Variants in ERBB4 observed in about 807,000 individuals in gnomAD.
ERBB4 encodes receptor tyrosine-protein kinase erbB-4.
Under a neutral mutation model 158.0 loss-of-function variants are expected in ERBB4, and 42 were observed. The observed-to-expected ratio is 0.27, with a 90% CI of 0.21 to 0.34. ERBB4 has a LOEUF of 0.34. Among genes scored for constraint, ERBB4 ranks in the 10% least tolerant of loss-of-function variants. ERBB4 has a pLI of 1.00. For missense variants in ERBB4, 1,333 were observed against 1,624.1 expected, an observed-to-expected ratio of 0.82 and a Z score of 3.08; for synonymous variants, 583 against 558.7, an observed-to-expected ratio of 1.04 and a Z score of -0.61.
intron 1 of ERBB4, among the ~76,000 whole-genome samples, chr2:212,234,062 T>C (rs2083763175): frequency 6.6e-6 from 1 of 151,864 alleles, no homozygotes; most frequent in Admixed American, 6.6e-5. Flanking sequence ...GGTATACACA[T>C]GCCATGGTTT....
At chr2:211,387,555 T>C (rs943177831) in intron 26 of ERBB4, among the ~76,000 whole-genome samples, 1 of 152,196 alleles carries the variant, frequency 6.6e-6, no homozygotes, top group African/African-American at 2.4e-5. Context: ...AATAATCCTA[T>C]GTCTTTATTC....
chr2:212,333,260 T>C (rs565714126), intron 1 of ERBB4, among the ~76,000 whole-genome samples: 1 of 152,124 alleles, frequency 6.6e-6, no homozygotes, highest in Admixed American at 6.6e-5. Context: ...GAGTCCCAGT[T>C]GATCATCCTC....
chr2:211,813,906 A>C (rs764877175), intron 3 of ERBB4, among the ~76,000 whole-genome samples: 1 of 152,192 alleles, frequency 6.6e-6, no homozygotes, highest in Non-Finnish European at 1.5e-5. Flanking sequence ...ACAAAAAATA[A>C]TATAAATCAT....
At chr2:212,405,356 G>A (rs1403035676) in intron 1 of ERBB4, among the ~76,000 whole-genome samples, 2 of 152,072 alleles carry the variant, frequency 1.3e-5, no homozygotes, top group Admixed American at 6.6e-5. Context: ...TGAGGTTGCA[G>A]AGAAAAGGGA....
chr2:211,991,941 T>A (rs952439562), intron 2 of ERBB4, among the ~76,000 whole-genome samples: 3 of 152,066 alleles, frequency 2.0e-5, no homozygotes, highest in Admixed American at 6.6e-5. Flanking sequence ...TTGATAAAGT[T>A]AAGGGAGGGA....
At chr2:211,441,459 A>T (rs968026764) in intron 20 of ERBB4, among the ~76,000 whole-genome samples, 3 of 152,146 alleles carry the variant, frequency 2.0e-5, no homozygotes, top group African/African-American at 7.2e-5. Flanking sequence ...CTTGGAGAGC[A>T]CCTGTAGCTC....
intron 1 of ERBB4, among the ~76,000 whole-genome samples, chr2:212,337,923 A>T (rs1490143285): frequency 6.6e-6 from 1 of 152,040 alleles, no homozygotes; most frequent in Non-Finnish European, 1.5e-5. Context: ...TAACTCATAA[A>T]TCTTCTCCGG....
intron 1 of ERBB4, among the ~76,000 whole-genome samples, chr2:212,498,571 A>C (rs552518001): frequency 4.6e-5 from 7 of 152,198 alleles, no homozygotes; most frequent in Non-Finnish European, 7.4e-5. Flanking sequence ...GATTTTCATC[A>C]TGATTAATAC....
chr2:212,120,659 C>A (rs919520627), intron 2 of ERBB4, among the ~76,000 whole-genome samples: 1 of 152,062 alleles, frequency 6.6e-6, no homozygotes, highest in Non-Finnish European at 1.5e-5. Flanking sequence ...GATGAAAATA[C>A]GGATAAAAAT....
intron 1 of ERBB4, among the ~76,000 whole-genome samples, chr2:212,450,619 T>A (rs779986461): frequency 1.2e-4 from 18 of 152,062 alleles, no homozygotes; most frequent in Non-Finnish European, 1.8e-4. Context: ...ACTTCTGACT[T>A]CCAGATAACA....
intron 1 of ERBB4, among the ~76,000 whole-genome samples, chr2:212,520,580 T>C (rs1433245034): frequency 6.6e-6 from 1 of 151,964 alleles, no homozygotes; most frequent in Non-Finnish European, 1.5e-5. Flanking sequence ...GTGGAGCTTG[T>C]ATACAAAATT....
At chr2:211,817,172 A>C (rs1451335830) in intron 3 of ERBB4, among the ~76,000 whole-genome samples, 1 of 152,212 alleles carries the variant, frequency 6.6e-6, no homozygotes, top group Admixed American at 6.5e-5. Context: ...TTTCTCTTAA[A>C]CAAAAATGAA....
At chr2:211,872,088 A>T (rs199611420) in intron 3 of ERBB4, among the ~76,000 whole-genome samples, 1 of 52,606 alleles carries the variant, frequency 1.9e-5, no homozygotes, top group Non-Finnish European at 5.7e-5. Context: ...TCATGAATGA[A>T]TTATTAATTT....
intron 20 of ERBB4, among the ~76,000 whole-genome samples, chr2:211,441,897 G>T (rs1305963041): frequency 6.6e-6 from 1 of 152,208 alleles, no homozygotes; most frequent in East Asian, 1.9e-4. Context: ...ATTCCATAAA[G>T]GCTCAGATCT....
intron 1 of ERBB4, among the ~76,000 whole-genome samples, chr2:212,513,806 C>A (rs909439001): frequency 2.7e-5 from 4 of 147,780 alleles, no homozygotes; most frequent in Non-Finnish European, 4.4e-5. Flanking sequence ...GGCGAGACTC[C>A]GTCTCAAAAA....
At position 211,488,903 on chromosome 2, in the gene ERBB4, C is replaced by G. The variant is rs148281900; in HGVS notation, c.2488-57803G>C. Among the ~76,000 whole-genome samples, 17 of 152,134 alleles carry G rather than the reference C, an allele frequency of 1.1e-4. No individual in the cohort carries two copies. In the East Asian group the frequency reaches 3.1e-3, roughly 28 times the overall value. On this transcript the variant is annotated intron_variant, in intron 20 of 27. Transcript: ENST00000342788. ...ATTCCATTCCAACTTATTTACTCTG[C>G]TCTTTGAATTAAGCAGTTGTGTCTA...
At chr2:212,350,523 GA>G (rs2089207553) in intron 1 of ERBB4, among the ~76,000 whole-genome samples, 1 of 152,110 alleles carries the variant, frequency 6.6e-6, no homozygotes, top group Non-Finnish European at 1.5e-5. Flanking sequence ...CCAACTAAAA[GA>G]GATATTGAAT....
chr2:211,649,526 G>A (rs952373676), intron 16 of ERBB4, among the ~76,000 whole-genome samples: 4 of 151,884 alleles, frequency 2.6e-5, no homozygotes, highest in East Asian at 3.9e-4. Flanking sequence ...CTCGGATTTC[G>A]GGGTCAGAGA....
intron 3 of ERBB4, among the ~76,000 whole-genome samples, chr2:211,872,030 GC>G (rs1447223814): frequency 6.6e-6 from 1 of 152,096 alleles, no homozygotes; most frequent in East Asian, 1.9e-4. Context: ...TTAGTATTAT[GC>G]TTTATGAAGT....
Sources: allele counts gnomAD v4.1 joint callset (sites outside exome capture counted in the v4.1 genomes callset), GRCh38; gene constraint gnomAD v4.1.1; transcripts MANE v1.5; gene names NCBI Gene and HGNC (gene_info 2026-07-23, HGNC 2026-07-21).